Variants in PPP2R2C observed in about 807,000 individuals in gnomAD.
The protein encoded by PPP2R2C is protein phosphatase 2 regulatory subunit Bgamma.
PPP2R2C carries 10 observed loss-of-function variants against 45.3 expected under a neutral mutation model. The ratio of observed to expected loss-of-function variants is 0.22; its 90% CI spans 0.14 to 0.37. The LOEUF is 0.37. Ranked by LOEUF, PPP2R2C falls within the 10% of genes least tolerant of loss-of-function variation. The pLI is 1.00. For missense variants in PPP2R2C, 308 were observed against 619.7 expected, an observed-to-expected ratio of 0.50 and a Z score of 5.34; for synonymous variants, 257 against 245.4, an observed-to-expected ratio of 1.05 and a Z score of -0.44.
At chr4:6,351,549 G>A (rs973766485) in intron 5 of PPP2R2C, among the ~76,000 whole-genome samples, 39 of 152,108 alleles carry the variant, frequency 2.6e-4, no homozygotes, top group South Asian at 6.2e-4. Flanking sequence ...GGACCCATGG[G>A]GGAGCCATCA....
At chr4:6,349,081 G>C (rs11939569) in intron 5 of PPP2R2C, 691,724 of 984,636 alleles carry the variant, frequency 0.7, 243,686 homozygotes, top group South Asian at 0.74. Flanking sequence ...GAATCTCTTG[G>C]AGCATGCAAG....
chr4:6,484,968 A>G (rs920435977), intron 2 of PPP2R2C, among the ~76,000 whole-genome samples: 2 of 151,760 alleles, frequency 1.3e-5, no homozygotes, highest in African/African-American at 4.8e-5. Flanking sequence ...ATGTGTGCTG[A>G]GAGTAGACAT....
At chr4:6,521,928 G>T (rs1724039317) in intron 2 of PPP2R2C, among the ~76,000 whole-genome samples, 1 of 152,218 alleles carries the variant, frequency 6.6e-6, no homozygotes. Flanking sequence ...GCCTCCAGCG[G>T]TGACTACTTT....
At chr4:6,359,874 C>T (rs1267895070) in intron 5 of PPP2R2C, among the ~76,000 whole-genome samples, 1 of 152,182 alleles carries the variant, frequency 6.6e-6, no homozygotes, top group African/African-American at 2.4e-5. Flanking sequence ...GGAAATATAG[C>T]CAGGTATGTG....
At chr4:6,516,182 G>A (rs535415214) in intron 2 of PPP2R2C, among the ~76,000 whole-genome samples, 19 of 152,322 alleles carry the variant, frequency 1.2e-4, no homozygotes, top group Admixed American at 3.9e-4. Context: ...ATCCACATGC[G>A]TGATGTTTTT....
intron 1 of PPP2R2C, among the ~76,000 whole-genome samples, chr4:6,411,129 C>T (rs1484161252): frequency 6.6e-6 from 1 of 152,038 alleles, no homozygotes; most frequent in Non-Finnish European, 1.5e-5. Flanking sequence ...CCTCAGCCTC[C>T]CAAAGGGCTT....
intron 5 of PPP2R2C, 51 bp from the exon 6 acceptor site, chr4:6,348,061 C>T (rs773440428): frequency 6.3e-7 from 1 of 1,589,968 alleles, no homozygotes; most frequent in East Asian, 2.3e-5. Context: ...CCTCAATGCT[C>T]CGCCTTCCCG....
At chr4:6,357,608 C>T (rs1212295784) in intron 5 of PPP2R2C, among the ~76,000 whole-genome samples, 1 of 152,204 alleles carries the variant, frequency 6.6e-6, no homozygotes, top group Non-Finnish European at 1.5e-5. Flanking sequence ...CACACAGCCT[C>T]CCTTCTTTAC....
intron 2 of PPP2R2C, among the ~76,000 whole-genome samples, chr4:6,512,539 G>GTGGTGGTGA (rs1723677194): frequency 1.7e-5 from 1 of 58,308 alleles, no homozygotes; most frequent in Non-Finnish European, 3.1e-5. Flanking sequence ...GATGGTGATG[G>GTGGTGGTGA]TGGTGATGGT....
rs536289642 is a variant in PPP2R2C, at chr4:6,392,728, A to C, written c.71-11634T>G. The stretch of plus-strand genomic sequence containing the variant: ...GAGAGGCCTGAGCATTTTATTCTGC[A>C]TGAGCTGGGAAGCCACGGTCTGACT... On this transcript the variant is annotated intron_variant, in intron 1 of 8. Transcript: ENST00000382599. Among the ~76,000 whole-genome samples the C allele has an allele frequency of 2.6e-5, 4 of 152,302 alleles. No homozygotes were observed. The East Asian group carries it at 7.7e-4, about 29-fold the overall frequency.
chr4:6,457,812 T>C (rs1366754790), intron 1 of PPP2R2C, among the ~76,000 whole-genome samples: 1 of 152,236 alleles, frequency 6.6e-6, no homozygotes, highest in African/African-American at 2.4e-5. Context: ...CTCGCTACTG[T>C]TATTGTATAC....
At chr4:6,512,269 A>G (rs866929123) in intron 2 of PPP2R2C, among the ~76,000 whole-genome samples, 589 of 10,016 alleles carry the variant, frequency 0.059, no homozygotes, top group East Asian at 0.076. Context: ...GGTGGTGGTG[A>G]TGGTGGGGGT....
intron 5 of PPP2R2C, 34 bp from the exon 6 acceptor site, chr4:6,348,044 A>C: frequency 6.2e-7 from 1 of 1,604,858 alleles, no homozygotes. Flanking sequence ...GGGGCAGTGA[A>C]GGGCGCCCTC....
intron 1 of PPP2R2C, among the ~76,000 whole-genome samples, chr4:6,393,349 C>A (rs545275940): frequency 6.6e-6 from 1 of 152,340 alleles, no homozygotes; most frequent in African/African-American, 2.4e-5. Flanking sequence ...AGCACGTGGC[C>A]TTTGGGGTCT....
intron 5 of PPP2R2C, among the ~76,000 whole-genome samples, chr4:6,348,298 T>C (rs561978428): frequency 1.3e-5 from 2 of 151,642 alleles, no homozygotes; most frequent in East Asian, 3.9e-4. Flanking sequence ...CCAGTGAGGG[T>C]GCATCAGTTC....
chr4:6,465,211 C>T (rs1721532125), intron 1 of PPP2R2C, among the ~76,000 whole-genome samples: 1 of 152,060 alleles, frequency 6.6e-6, no homozygotes, highest in South Asian at 2.1e-4. Context: ...CCCTACTTCA[C>T]CTCCCCACCC....
At chr4:6,394,644 T>C (rs984585826) in intron 1 of PPP2R2C, among the ~76,000 whole-genome samples, 1 of 152,160 alleles carries the variant, frequency 6.6e-6, no homozygotes, top group African/African-American at 2.4e-5. Context: ...CATCCCAGGA[T>C]GGGGGGCATG....
intron 5 of PPP2R2C, among the ~76,000 whole-genome samples, chr4:6,371,465 G>C (rs933631608): frequency 1.3e-5 from 2 of 152,232 alleles, no homozygotes; most frequent in Non-Finnish European, 2.9e-5. Context: ...CCACTGCTGG[G>C]TGCCCAGGCT....
intron 1 of PPP2R2C, among the ~76,000 whole-genome samples, chr4:6,402,063 A>T (rs553023499): frequency 1.7e-3 from 260 of 152,334 alleles, no homozygotes; most frequent in Non-Finnish European, 2.8e-3. Context: ...GTAAGGATCA[A>T]CTACCTTCTG....
Sources: allele counts gnomAD v4.1 joint callset (sites outside exome capture counted in the v4.1 genomes callset), GRCh38; gene constraint gnomAD v4.1.1; transcripts MANE v1.5; gene names NCBI Gene and HGNC (gene_info 2026-07-23, HGNC 2026-07-21).